Variants in KAZN observed in about 807,000 individuals in gnomAD.
The protein encoded by KAZN is kazrin, periplakin interacting protein, also known as kazrin.
In KAZN, 40 loss-of-function variants were observed where a neutral mutation model predicts 87.4. The ratio of observed to expected loss-of-function variants is 0.46; its 90% confidence interval spans 0.36 to 0.60. The LOEUF is 0.60. Among genes scored for constraint, KAZN ranks in the 20% least tolerant of loss-of-function variants. The pLI is 0.00. For missense variants in KAZN, 898 were observed against 1,073.9 expected (o/e 0.84, Z 2.29); for synonymous variants, 466 against 458.3 (o/e 1.02, Z -0.22).
intron 1 of KAZN, among the ~76,000 whole-genome samples, chr1:14,774,468 A>ATTTT (rs35723980): frequency 7.6e-6 from 1 of 131,284 alleles, no homozygotes; most frequent in Non-Finnish European, 1.6e-5. Flanking sequence ...TCTTGAACAG[A>ATTTT]TTTTTTTTTT....
intron 2 of KAZN, among the ~76,000 whole-genome samples, chr1:15,006,565 C>T (rs567459770): frequency 6.6e-6 from 1 of 152,370 alleles, no homozygotes; most frequent in South Asian, 2.1e-4. Context: ...ATCACTCATT[C>T]ATGCCGCACA....
chr1:14,828,723 T>C (rs969473536), intron 1 of KAZN, among the ~76,000 whole-genome samples: 1 of 152,206 alleles, frequency 6.6e-6, no homozygotes, highest in African/African-American at 2.4e-5. Flanking sequence ...AAAAATGCTG[T>C]GGTTGGTAGC....
At chr1:14,472,688 G>A (rs1241442804) in intron 2 of KAZN, among the ~76,000 whole-genome samples, 3 of 151,428 alleles carry the variant, frequency 2.0e-5, no homozygotes, top group Admixed American at 2.0e-4. Flanking sequence ...AAAGTAAGGA[G>A]AGAGAAAGAC....
At chr1:14,002,789 A>G (rs929692305) in intron 1 of KAZN, among the ~76,000 whole-genome samples, 22 of 152,244 alleles carry the variant, frequency 1.4e-4, no homozygotes, top group African/African-American at 5.3e-4. Flanking sequence ...TGTGGAAGAC[A>G]GTATGGCAGT....
chr1:14,414,398 G>A (rs1316092701), intron 2 of KAZN, among the ~76,000 whole-genome samples: 1 of 144,302 alleles, frequency 6.9e-6, no homozygotes. Flanking sequence ...AAGGAGCCAA[G>A]AATCCACTAA....
chr1:14,169,407 T>G (rs543440562), intron 1 of KAZN, among the ~76,000 whole-genome samples: 6 of 152,136 alleles, frequency 3.9e-5, no homozygotes, highest in Non-Finnish European at 7.3e-5. Context: ...CAGCAGAGTT[T>G]CCATGTTATA....
chr1:14,419,716 C>T (rs960257980), intron 2 of KAZN, among the ~76,000 whole-genome samples: 5 of 152,068 alleles, frequency 3.3e-5, no homozygotes, highest in South Asian at 2.1e-4. Flanking sequence ...AGAGTGAAGC[C>T]GCAGACCTCC....
At chr1:14,091,019 G>A (rs557915534) in intron 1 of KAZN, among the ~76,000 whole-genome samples, 36 of 150,480 alleles carry the variant, frequency 2.4e-4, no homozygotes, top group Non-Finnish European at 4.4e-4. Flanking sequence ...GGCTGAGGCA[G>A]GAGAATTGCT....
At chr1:14,766,186 G>A (rs185066955) in intron 1 of KAZN, among the ~76,000 whole-genome samples, 92 of 152,284 alleles carry the variant, frequency 6.0e-4, no homozygotes, top group African/African-American at 2.0e-3. Context: ...AGAAACTACA[G>A]GACACGGGTA....
At chr1:14,235,826 T>C (rs775013922) in intron 2 of KAZN, among the ~76,000 whole-genome samples, 56 of 152,318 alleles carry the variant, frequency 3.7e-4, no homozygotes, top group South Asian at 2.5e-3. Flanking sequence ...GCTTTATTGC[T>C]GGAAACAGCA....
At chr1:14,173,423 T>A (rs377374546) in intron 1 of KAZN, among the ~76,000 whole-genome samples, 2 of 152,116 alleles carry the variant, frequency 1.3e-5, no homozygotes, top group East Asian at 3.9e-4. Flanking sequence ...ATTTACTCAA[T>A]TGGTTTTATT....
intron 1 of KAZN, among the ~76,000 whole-genome samples, chr1:14,114,487 T>C (rs1419802729): frequency 1.3e-5 from 2 of 152,030 alleles, no homozygotes; most frequent in African/African-American, 4.8e-5. Context: ...GGCATCCAGA[T>C]TGTGTCCTCT....
At chr1:13,945,706 T>TGAGAGA (rs1422921953) in intron 1 of KAZN, among the ~76,000 whole-genome samples, 9 of 140,832 alleles carry the variant, frequency 6.4e-5, no homozygotes, top group African/African-American at 2.4e-4. Flanking sequence ...TGTGTGTGTG[T>TGAGAGA]GTGTGAGAGA....
intron 2 of KAZN, among the ~76,000 whole-genome samples, chr1:14,504,552 C>T (rs976043382): frequency 6.6e-6 from 1 of 152,114 alleles, no homozygotes; most frequent in Non-Finnish European, 1.5e-5. Context: ...GCAGCTGATA[C>T]GATGGGATCT....
chr1:15,038,799 GCAGA>G (rs1191449556), intron 3 of KAZN, among the ~76,000 whole-genome samples: 3 of 99,796 alleles, frequency 3.0e-5, no homozygotes, highest in African/African-American at 4.5e-5. Context: ...ATTACCAACA[GCAGA>G]CATTTATTGT....
At chr1:14,610,559 T>G (rs1415595265) in intron 1 of KAZN, among the ~76,000 whole-genome samples, 1 of 152,184 alleles carries the variant, frequency 6.6e-6, no homozygotes, top group East Asian at 1.9e-4. Context: ...AGCTTAGAGT[T>G]TCTCCTCTTC....
chr1:14,475,146 G>A lies in KAZN; in HGVS notation c.250-123837G>A, dbSNP rs184912257. ...TAGATAGATATTGAATTGATGGATG[G>A]ATGGATGGATGGATGGATAGTGGAA... On this transcript the variant is annotated intron_variant, in intron 2 of 16. Coordinates refer to the KAZN transcript ENST00000636203. Among the ~76,000 whole-genome samples, 602 of 152,096 alleles carry A rather than the reference G, an allele frequency of 4.0e-3. 2 individuals carry two copies. Among genetic ancestry groups the A allele is most frequent in the African/African-American group, 0.014 (565 of 41,486 alleles).
At chr1:14,800,861 G>A (rs934565085) in intron 1 of KAZN, among the ~76,000 whole-genome samples, 8 of 152,152 alleles carry the variant, frequency 5.3e-5, no homozygotes, top group Non-Finnish European at 8.8e-5. Context: ...AAGTAGCTTC[G>A]TAGTTGCCGG....
chr1:14,681,753 TGCAAGC>T (rs1640671180), intron 1 of KAZN, among the ~76,000 whole-genome samples: 1 of 132,242 alleles, frequency 7.6e-6, no homozygotes, highest in Non-Finnish European at 1.6e-5. Flanking sequence ...CTTGGCTCAC[TGCAAGC>T]TCCGCCTCCC....
Sources: gnomAD v4.1 joint callset for allele counts (sites outside exome capture counted in the v4.1 genomes callset) on GRCh38, gnomAD v4.1.1 for gene constraint, MANE v1.5 for transcripts, NCBI Gene and HGNC (gene_info 2026-07-23, HGNC 2026-07-21) for gene names.